CAPS2: variants seen among roughly 807,000 people sequenced by gnomAD.
CAPS2 encodes calcyphosin-2.
Under a neutral mutation model 86.5 loss-of-function variants are expected in CAPS2, and 98 were observed. The ratio of observed to expected loss-of-function variants is 1.13; its 90% confidence interval spans 0.96 to 1.34. CAPS2 has a LOEUF of 1.34. CAPS2 is among the 40% of genes most tolerant of loss of function. The pLI, the probability that CAPS2 is intolerant of heterozygous loss-of-function variation, is 0.00. For synonymous variants in CAPS2, 210 were observed against 225.1 expected (o/e 0.93, Z 0.60); for missense variants, 729 against 686.8 (o/e 1.06, Z -0.69).
In CAPS2 at chr12:75,386,116, T is replaced by C. The variant is rs190223247; in HGVS notation, c.-395+4722A>G. Among the ~76,000 whole-genome samples, 15 of 152,250 alleles carry C rather than the reference T, an allele frequency of 9.9e-5. No individual in the cohort carries two copies. The East Asian group carries it at 2.7e-3, about 27-fold the overall frequency. On this transcript the variant is annotated intron_variant, in intron 1 of 5. Coordinates refer to the CAPS2 transcript ENST00000551829. ...ATCTATTGATTTAATGTAACCCCAA[T>C]CAAAATTTCAGCAAGTTAATTTGTG...
At chr12:75,295,020 GT>G (rs1443342686) in intron 11 of CAPS2, 1 of 152,160 alleles carries the variant, frequency 6.6e-6, no homozygotes, top group African/African-American at 2.4e-5. Flanking sequence ...ACCAGACAGT[GT>G]TTTGTAAATG....
chr12:75,329,233 G>A (rs1000212181), upstream of CAPS2, among the ~76,000 whole-genome samples: 2 of 152,216 alleles, frequency 1.3e-5, no homozygotes, highest in African/African-American at 4.8e-5. Flanking sequence ...ACAAGAATCA[G>A]CAAACAACTG....
intron 12 of CAPS2, among the ~76,000 whole-genome samples, chr12:75,292,938 C>A (rs745707868): frequency 8.6e-5 from 13 of 150,780 alleles, no homozygotes; most frequent in Non-Finnish European, 1.8e-4. Flanking sequence ...GTATTGATAT[C>A]CTTTTTTAAA....
upstream of CAPS2, chr12:75,333,911 AC>A (rs2041522694): frequency 6.6e-6 from 1 of 152,192 alleles, no homozygotes; most frequent in South Asian, 2.1e-4. Context: ...TGAATTTAAA[AC>A]ATTAAGCCAA....
At chr12:75,379,281 A>G in intron 1 of CAPS2, among the ~76,000 whole-genome samples, 1 of 152,218 alleles carries the variant, frequency 6.6e-6, no homozygotes, top group East Asian at 1.9e-4. Flanking sequence ...CAGTTCTCAG[A>G]AAATGGAGTT....
rs1455284420 is a variant in CAPS2, at chr12:75,311,719, A to C, written c.659+1129T>G. ...ATGCAGGAAAAAAAAAAACAAAAAA[A>C]AAAACAAAAAAAAAAAAAAAAACCT... On this transcript the variant is annotated intron_variant, in intron 7 of 16. Transcript: ENST00000393284. Among the ~76,000 whole-genome samples, 167 of 17,352 alleles carry C rather than the reference A, an allele frequency of 9.6e-3. 1 individual carries two copies. The highest frequency in any genetic ancestry group is 0.027 in the African/African-American group (156 of 5,826). The allele number at this position is 17,352 out of a possible 152,430, so 11.4% of individuals were successfully genotyped here. A position where few individuals can be genotyped will look rare whatever the true frequency, so the allele number is the denominator to read the frequency against.
At chr12:75,291,862 C>A in intron 12 of CAPS2, 42 bp from the exon 13 acceptor site, 2 of 1,000,176 alleles carry the variant, frequency 2.0e-6, no homozygotes, top group Admixed American at 2.0e-5. Flanking sequence ...TATATATATT[C>A]TATTTTACAA....
intron 11 of CAPS2, chr12:75,294,941 T>G (rs1188615131): frequency 6.6e-6 from 1 of 152,258 alleles, no homozygotes; most frequent in Non-Finnish European, 1.5e-5. Flanking sequence ...GCCAGATGGC[T>G]GATACTTAAA....
intron 14 of CAPS2, among the ~76,000 whole-genome samples, chr12:75,286,953 A>T (rs2034975447): frequency 6.6e-6 from 1 of 151,872 alleles, no homozygotes; most frequent in African/African-American, 2.4e-5. Context: ...AATTAATCAA[A>T]AAGGGAAGTA....
At chr12:75,295,694 G>C (rs889454020) in intron 11 of CAPS2, among the ~76,000 whole-genome samples, 1 of 152,066 alleles carries the variant, frequency 6.6e-6, no homozygotes, top group African/African-American at 2.4e-5. Context: ...TTCAAGGGTA[G>C]TTATACCATC....
intron 5 of CAPS2, among the ~76,000 whole-genome samples, chr12:75,318,891 C>T (rs1464482978): frequency 6.6e-6 from 1 of 151,952 alleles, no homozygotes; most frequent in Admixed American, 6.6e-5. Context: ...TAAAGTTAAG[C>T]ATTCAGTAAC....
upstream of CAPS2, among the ~76,000 whole-genome samples, chr12:75,329,620 C>T (rs899866909): frequency 6.6e-6 from 1 of 151,414 alleles, no homozygotes; most frequent in African/African-American, 2.4e-5. Flanking sequence ...TAATTCAGCC[C>T]ATAAATAAGA....
intron 1 of CAPS2, among the ~76,000 whole-genome samples, chr12:75,377,776 A>G (rs2044728918): frequency 6.6e-6 from 1 of 151,666 alleles, no homozygotes; most frequent in Admixed American, 6.6e-5. Flanking sequence ...TCACAAACAC[A>G]CCCAGGAACA....
At chr12:75,298,808 A>C in intron 10 of CAPS2, 28 bp from the exon 11 acceptor site, 2 of 1,604,234 alleles carry the variant, frequency 1.2e-6, no homozygotes, top group Non-Finnish European at 1.7e-6. Flanking sequence ...AAAAAATGGA[A>C]AGTTATTTAG....
At chr12:75,309,165 G>A (rs2038863943) in intron 7 of CAPS2, among the ~76,000 whole-genome samples, 1 of 152,068 alleles carries the variant, frequency 6.6e-6, no homozygotes, top group South Asian at 2.1e-4. Flanking sequence ...TCAAAAGGCA[G>A]ACACGGGCTA....
At chr12:75,364,350 C>A (rs2043822367) in intron 1 of CAPS2, among the ~76,000 whole-genome samples, 1 of 152,326 alleles carries the variant, frequency 6.6e-6, no homozygotes, top group Admixed American at 6.5e-5. Flanking sequence ...TTTACATTCT[C>A]CCCCTTCTGG....
intron 15 of CAPS2, among the ~76,000 whole-genome samples, chr12:75,284,117 C>A (rs1348644409): frequency 6.6e-6 from 1 of 152,188 alleles, no homozygotes; most frequent in Admixed American, 6.6e-5. Flanking sequence ...GACAAGCCTC[C>A]AATTTCTACA....
chr12:75,321,294 T>C (rs2040271668), intron 5 of CAPS2, 106 bp downstream of exon 5: 2 of 692,276 alleles, frequency 2.9e-6, no homozygotes, highest in African/African-American at 1.8e-5. Context: ...TTAGCTATTA[T>C]ACTTATTATG....
intron 5 of CAPS2, chr12:75,318,039 G>C (rs1358568749): frequency 6.6e-6 from 1 of 151,220 alleles, no homozygotes; most frequent in Non-Finnish European, 1.5e-5. Flanking sequence ...TTTACTCTCT[G>C]CTTCTGTGGG....
Sources: gnomAD v4.1 joint callset for allele counts (sites outside exome capture counted in the v4.1 genomes callset) on GRCh38, gnomAD v4.1.1 for gene constraint, MANE v1.5 for transcripts, NCBI Gene and HGNC (gene_info 2026-07-23, HGNC 2026-07-21) for gene names.